ELOA: variants seen among roughly 807,000 people sequenced by gnomAD.
ELOA encodes the protein elongin A.
ELOA carries 15 observed loss-of-function variants against 85.2 expected under a neutral mutation model. The ratio of observed to expected loss-of-function variants is 0.18; its 90% CI spans 0.12 to 0.27. The LOEUF (loss-of-function observed/expected upper bound fraction) is 0.27, where lower values mean the gene tolerates loss of function less well. ELOA is among the 10% of genes least tolerant of loss of function. ELOA has a pLI of 1.00. For missense variants in ELOA, 769 were observed against 952.7 expected (o/e 0.81, Z 2.54); for synonymous variants, 348 against 357.2 (o/e 0.97, Z 0.29).
chr1:23,756,438 G>T (rs2148388254), intron 9 of ELOA, 53 bp downstream of exon 9: 1 of 1,486,930 alleles, frequency 6.7e-7, no homozygotes, highest in East Asian at 2.5e-5. Flanking sequence ...CTTAGAGGTA[G>T]CCATAGCGGC....
At position 23,743,515 on chromosome 1, in the gene ELOA, G is replaced by A; in HGVS notation, c.12G>A (p.Glu4=). ...CGCCAGTGACAGCGATGGCGGCGGAGTCGGCGCTCCAAGTTGTGGAGAAGC... is the reference window on the plus strand; with the variant it reads ...CGCCAGTGACAGCGATGGCGGCGGAATCGGCGCTCCAAGTTGTGGAGAAGC... MAA[E]SALQVVEKLQ... is the part of the protein sequence containing the mutation. The change falls in exon 1 of 11, where the codon GAG becomes GAA. Residue 4 remains glutamate, a synonymous_variant. Coordinates refer to ENST00000613537, the MANE Select transcript of ELOA (RefSeq NM_003198.3). 1 of 1,504,518 alleles carries A rather than the reference G, an allele frequency of 6.6e-7. No homozygotes were observed. 93.2% of individuals were successfully genotyped at this position (1,504,518 alleles called of 1,614,324 possible).
intron 7 of ELOA, 38 bp from the exon 8 acceptor site, chr1:23,755,805 G>C: frequency 6.8e-7 from 1 of 1,477,246 alleles, no homozygotes; most frequent in Non-Finnish European, 9.2e-7. Context: ...ATATGGAAAA[G>C]TGCTTGTACA....
chr1:23,745,153 A>C (rs958855902), intron 1 of ELOA, among the ~76,000 whole-genome samples: 2 of 152,178 alleles, frequency 1.3e-5, no homozygotes, highest in South Asian at 4.1e-4. Context: ...TCATTGTGCC[A>C]TGTTTTCTGT....
At chr1:23,746,215 G>C (rs559392572) in intron 1 of ELOA, among the ~76,000 whole-genome samples, 1 of 151,326 alleles carries the variant, frequency 6.6e-6, no homozygotes, top group African/African-American at 2.4e-5. Context: ...TCGAACCCGG[G>C]AGGCAGAGGT....
Position 23,756,495 on chromosome 1 carries a change from G to C in ELOA, c.2084+110G>C, listed in dbSNP as rs941820531. 22 of 917,336 alleles carry C rather than the reference G, an allele frequency of 2.4e-5. No individual in the cohort carries two copies. The Admixed American group carries it at 4.9e-4, about 21-fold the overall frequency. 56.8% of individuals were successfully genotyped at this position (917,336 alleles called of 1,614,324 possible). Reference sequence around the variant, plus strand: ...GAAAGTGAGGCAGTGCAGACTGTGGGCTCTGGAGGCAGACCTCATCAGCTC... The same window carrying C: ...GAAAGTGAGGCAGTGCAGACTGTGGCCTCTGGAGGCAGACCTCATCAGCTC... On this transcript the variant is annotated intron_variant, in intron 9 of 10. Coordinates refer to ENST00000613537, the MANE Select transcript of ELOA (RefSeq NM_003198.3).
chr1:23,748,902 T>C lies in ELOA; in HGVS notation c.76-119T>C, dbSNP rs1041650643. 4.1e-6 allele frequency: 3 copies of C among 727,476 alleles called. No individual in the cohort carries two copies. In the African/African-American group the frequency reaches 5.4e-5, roughly 13 times the overall value. The allele number at this position is 727,476 out of a possible 1,614,324, so 45.1% of individuals were successfully genotyped here. On this transcript the variant is annotated intron_variant, in intron 1 of 10. Transcript: ENST00000613537. Reference sequence around the variant, plus strand: ...GTAAAATAGGGATATTACTTACTACTGTAAATAGGCATAATACTTATACTC... The same window carrying C: ...GTAAAATAGGGATATTACTTACTACCGTAAATAGGCATAATACTTATACTC...
intron 10 of ELOA, among the ~76,000 whole-genome samples, chr1:23,757,830 A>T (rs796699475): frequency 0.027 from 4,121 of 151,162 alleles, 178 homozygotes; most frequent in African/African-American, 0.093. Context: ...AAAAAAAAAA[A>T]GTGAAAGTAG....
At chr1:23,755,787 A>G in intron 7 of ELOA, 56 bp from the exon 8 acceptor site, 1 of 1,529,672 alleles carries the variant, frequency 6.5e-7, no homozygotes, top group Non-Finnish European at 8.8e-7. Context: ...CTCAAAAAAA[A>G]AAAAAAAATA....
In ELOA at chr1:23,743,495, G is replaced by C. The variant is rs763500834; in HGVS notation, c.-9G>C. 6.6e-7 allele frequency: 1 copy of C among 1,505,134 alleles called. No homozygotes were observed. The highest frequency in any genetic ancestry group is 1.2e-5 in the South Asian group (1 of 80,824). 93.2% of individuals were successfully genotyped at this position (1,505,134 alleles called of 1,614,324 possible). On this transcript the variant is annotated 5_prime_UTR_variant, in exon 1 of 11. Coordinates refer to ENST00000613537, the MANE Select transcript of ELOA (RefSeq NM_003198.3). ...CAGTTCCGGCGAGGAGGCCGCGCCA[G>C]TGACAGCGATGGCGGCGGAGTCGGC... is the stretch of plus-strand genomic sequence containing the variant.
rs1644775966 is a variant in ELOA, at chr1:23,752,485, G to A, written c.1504G>A (p.Glu502Lys). Residue 502 changes from glutamate (E) to lysine (K), a missense_variant, in exon 5 of 11, where the codon GAG becomes AAG. Transcript: ENST00000613537. ...QANYRPLPSL[E>K]LISSFQPKRK... ...CAATTACCGTCCACTGCCTTCCCTC[G>A]AGCTGATATCCTCCTTCCAGCCAAA... 1.2e-6 allele frequency: 2 copies of A among 1,613,968 alleles called. No homozygotes were observed. Among genetic ancestry groups the A allele is most frequent in the Non-Finnish European group, 8.5e-7 (1 of 1,179,956 alleles).
intron 2 of ELOA, among the ~76,000 whole-genome samples, chr1:23,749,423 TA>T (rs1282119761): frequency 1.3e-5 from 2 of 152,246 alleles, no homozygotes; most frequent in Admixed American, 6.5e-5. Context: ...TGAATATTGT[TA>T]AATGACTTTA....
At chr1:23,758,340 C>T (rs1437246283) in intron 10 of ELOA, among the ~76,000 whole-genome samples, 1 of 117,158 alleles carries the variant, frequency 8.5e-6, no homozygotes, top group African/African-American at 3.2e-5. Context: ...GTGGCGTGAT[C>T]TCGGCTCACT....
At chr1:23,743,622 T>G in intron 1 of ELOA, 44 bp downstream of exon 1, 1 of 1,448,906 alleles carries the variant, frequency 6.9e-7, no homozygotes, top group Non-Finnish European at 9.1e-7. Flanking sequence ...GTTGGGTCGG[T>G]GAGGGCCCCG....
At chr1:23,752,950 A>G (rs1258494546) in intron 5 of ELOA, among the ~76,000 whole-genome samples, 2 of 151,880 alleles carry the variant, frequency 1.3e-5, no homozygotes, top group African/African-American at 4.8e-5. Context: ...TTTCAAAAAA[A>G]AGGAGTTCTA....
Position 23,752,446 on chromosome 1 carries a change from C to T in ELOA, c.1465C>T (p.Pro489Ser). 1 of 1,614,156 alleles carries T rather than the reference C, an allele frequency of 6.2e-7. No individual in the cohort carries two copies. The highest frequency in any genetic ancestry group is 1.1e-5 in the South Asian group (1 of 91,072). ...GCCAGTGTTGCCAGACCTCCCGTTA[C>T]CCGCGATACAGGCCAATTACCGTCC... is the stretch of plus-strand genomic sequence containing the variant. ...VLPVLPDLPL[P>S]AIQANYRPLP... is the part of the protein sequence containing the mutation. Residue 489 changes from proline (P) to serine (S), a missense_variant, in exon 5 of 11, where the codon CCC (proline) becomes TCC (serine). Coordinates refer to ENST00000613537, the MANE Select transcript of ELOA (RefSeq NM_003198.3).
rs916945138 is a variant in ELOA at position 23,751,768 on chromosome 1, T to G, written c.1163T>G (p.Leu388Arg). ...TNLDRKSLGS[L>R]PKVEETDMED... is the part of the protein sequence containing the mutation. ...TTGGATAGAAAGTCACTGGGCTCCC[T>G]CCCTAAAGTTGAGGAGACAGATATG... Residue 388 changes from leucine to arginine, a missense_variant, in exon 4 of 11, where the codon CTC becomes CGC. Leu to Arg is a moderately radical substitution (Grantham distance 102). Around this residue, in one of 4 missense-constraint regions of ELOA, gnomAD observed 440 missense variants for 474.0 expected, o/e 0.93. Coordinates refer to ENST00000613537, the MANE Select transcript of ELOA (RefSeq NM_003198.3). The G allele has an allele frequency of 1.6e-5, 26 of 1,614,078 alleles. No individual in the cohort carries two copies. Among genetic ancestry groups the G allele is most frequent in the Non-Finnish European group, 2.2e-5 (26 of 1,180,020 alleles).
In ELOA at chr1:23,749,972, T is replaced by A. The variant is rs981412091; in HGVS notation, c.239+24T>A. ...CGGTAAGAACATTTCTCTTTAGGTT[T>A]GTTCAATTTCATGGTTAAATTTACA... is the stretch of plus-strand genomic sequence containing the variant. On this transcript the variant is annotated intron_variant, in intron 3 of 10. Coordinates refer to ENST00000613537, the MANE Select transcript of ELOA (RefSeq NM_003198.3). The A allele has an allele frequency of 3.8e-6, 6 of 1,568,060 alleles. No homozygotes were observed. In the African/African-American group the frequency reaches 4.1e-5, roughly 11 times the overall value.
intron 2 of ELOA, 44 bp downstream of exon 2, chr1:23,749,121 T>C (rs1337600508): frequency 6.6e-7 from 1 of 1,508,668 alleles, no homozygotes; most frequent in African/African-American, 1.4e-5. Flanking sequence ...GATATCCCAT[T>C]CCCTTCTCAC....
chr1:23,758,251 ATTTATTTATTTT>A lies in ELOA; in HGVS notation c.2257+1130_2257+1141del, dbSNP rs1191710491. On this transcript the variant is annotated intron_variant, in intron 10 of 10. Transcript: ENST00000613537. ...TATATCTAATTGGGTCTTCCAATTT[ATTTATTTATTTT>A]TTTTTTTTTTTTTTTTTTTTTTTTT... 1.5e-3 allele frequency among the ~76,000 whole-genome samples: 71 copies of A among 48,546 alleles called. 1 individual carries two copies. Among genetic ancestry groups the A allele is most frequent in the South Asian group, 9.3e-3 (9 of 972 alleles). 31.8% of individuals were successfully genotyped at this position (48,546 alleles called of 152,430 possible). A position where few individuals can be genotyped will look rare whatever the true frequency, so the allele number is the denominator to read the frequency against.
Sources: allele counts gnomAD v4.1 joint callset (sites outside exome capture counted in the v4.1 genomes callset), GRCh38; gene constraint gnomAD v4.1.1; regional missense constraint gnomAD v4.1.1; transcripts MANE v1.5; gene names NCBI Gene and HGNC (gene_info 2026-07-23, HGNC 2026-07-21).